PPP1R13B: variants seen among roughly 807,000 people sequenced by gnomAD.
PPP1R13B encodes the protein apoptosis-stimulating of p53 protein 1.
Under a neutral mutation model 119.8 loss-of-function variants are expected in PPP1R13B, and 44 were observed. The ratio of observed to expected loss-of-function variants is 0.37; its 90% confidence interval spans 0.29 to 0.47. PPP1R13B has a LOEUF of 0.47. Ranked by LOEUF, PPP1R13B falls within the 20% of genes least tolerant of loss-of-function variation. The pLI is 0.99. For synonymous variants in PPP1R13B, 542 were observed against 561.5 expected (o/e 0.97, Z 0.49); for missense variants, 1,227 against 1,413.5 (o/e 0.87, Z 2.12).
At chr14:103,815,423 T>C (rs1389234871) in intron 1 of PPP1R13B, among the ~76,000 whole-genome samples, 1 of 152,200 alleles carries the variant, frequency 6.6e-6, no homozygotes, top group Non-Finnish European at 1.5e-5. Flanking sequence ...ATGAATGTTA[T>C]TGTATGTGAA....
chr14:103,768,404 C>T (rs1454544973), intron 4 of PPP1R13B, among the ~76,000 whole-genome samples: 1 of 152,214 alleles, frequency 6.6e-6, no homozygotes, highest in Non-Finnish European at 1.5e-5. Context: ...TCAAGCAATT[C>T]CCCTGCCTCA....
intron 1 of PPP1R13B, chr14:103,839,955 C>T (rs540443107): frequency 3.3e-5 from 5 of 152,212 alleles, no homozygotes; most frequent in Non-Finnish European, 7.3e-5. Flanking sequence ...GAACTGTACA[C>T]TAATATTTCA....
chr14:103,796,656 C>CACAATGT (rs1351452856), intron 2 of PPP1R13B, among the ~76,000 whole-genome samples: 3 of 152,040 alleles, frequency 2.0e-5, no homozygotes, highest in Admixed American at 2.0e-4. Context: ...AATATATGTC[C>CACAATGT]ACACAAAAAC....
upstream of PPP1R13B, chr14:103,848,331 C>G: frequency 1.0e-6 from 1 of 985,476 alleles, no homozygotes; most frequent in Non-Finnish European, 1.2e-6. Context: ...CGGTCCTCGT[C>G]TCCAGGGCCT....
At chr14:103,796,062 C>T (rs182468661) in intron 2 of PPP1R13B, among the ~76,000 whole-genome samples, 23 of 152,110 alleles carry the variant, frequency 1.5e-4, no homozygotes, top group African/African-American at 5.3e-4. Context: ...GAGGCCCAGG[C>T]AGGTGGATCA....
chr14:103,801,726 C>T (rs533866993), intron 1 of PPP1R13B, among the ~76,000 whole-genome samples: 1 of 152,020 alleles, frequency 6.6e-6, no homozygotes, highest in Non-Finnish European at 1.5e-5. Context: ...CAGGACCTGA[C>T]GCATAGGAGG....
chr14:103,817,155 G>C (rs1184976658), intron 1 of PPP1R13B, among the ~76,000 whole-genome samples: 3 of 152,202 alleles, frequency 2.0e-5, no homozygotes, highest in Non-Finnish European at 2.9e-5. Flanking sequence ...AAAATACTTA[G>C]ATGTCCCTCA....
At chr14:103,825,115 G>A (rs532303793) in intron 1 of PPP1R13B, among the ~76,000 whole-genome samples, 11 of 151,968 alleles carry the variant, frequency 7.2e-5, no homozygotes, top group African/African-American at 2.7e-4. Flanking sequence ...GGTCTTTAAC[G>A]TTACTATTGT....
rs2084217643 is a variant in PPP1R13B, at chr14:103,740,172, G to A, written c.2244C>T (p.Ser748=). ...CGGCCAAGGTGCCCATGAAGTCCTG[G>A]GAGGGGCTGGGCTGGTAGAAAGGGG... The part of the protein sequence containing the change: ...EGTPFYQPSP[S]QDFMGTLADV... Residue 748 remains serine (S), a synonymous_variant, in exon 12 of 17, where the codon TCC becomes TCT. Coordinates refer to ENST00000202556, the MANE Select transcript of PPP1R13B (RefSeq NM_015316.3). This position sits in a 1 kb window ranked among gnomAD's most constrained non-coding sequence, Gnocchi z 4.6. 2 of 1,613,604 alleles carry A rather than the reference G, an allele frequency of 1.2e-6. No individual in the cohort carries two copies. The highest frequency in any genetic ancestry group is 2.7e-5 in the African/African-American group (2 of 74,936).
In PPP1R13B at chr14:103,754,116, T is replaced by C. The variant is rs767483211; in HGVS notation, c.585A>G (p.Ala195=). 6 of 1,613,978 alleles carry C rather than the reference T, an allele frequency of 3.7e-6. No homozygotes were observed. In the African/African-American group the frequency reaches 8.0e-5, roughly 22 times the overall value. Residue 195 remains alanine (A), a synonymous_variant, in exon 6 of 17, where the codon GCA becomes GCG. Coordinates refer to ENST00000202556, the MANE Select transcript of PPP1R13B (RefSeq NM_015316.3). Reference sequence around the variant, plus strand: ...TGCTGTAGTCGACTTGTCCTCTCATTGCACGAATTTTCTTCAGCTTGTTCT... The same window carrying C: ...TGCTGTAGTCGACTTGTCCTCTCATCGCACGAATTTTCTTCAGCTTGTTCT... ...AQENKLKKIR[A]MRGQVDYSKI...
chr14:103,824,108 C>T lies in PPP1R13B; in HGVS notation c.9+23191G>A, dbSNP rs566145244. ...GTCGCCAGACTGGAGTGCAGTGGCG[C>T]GATCTCGGCTCATTGCGACCTCCAC... On this transcript the variant is annotated intron_variant, in intron 1 of 16. Transcript: ENST00000202556. 4.4e-5 allele frequency among the ~76,000 whole-genome samples: 6 copies of T among 136,980 alleles called. No individual in the cohort carries two copies. The South Asian group carries it at 7.0e-4, about 16-fold the overall frequency. The allele number at this position is 136,980 out of a possible 152,430, so 89.9% of individuals were successfully genotyped here. A position where few individuals can be genotyped will look rare whatever the true frequency, so the allele number is the denominator to read the frequency against.
intron 1 of PPP1R13B, among the ~76,000 whole-genome samples, chr14:103,806,214 T>C (rs1359442226): frequency 2.0e-5 from 3 of 152,200 alleles, no homozygotes; most frequent in Non-Finnish European, 4.4e-5. Context: ...GGTCTTGGTT[T>C]CTTGGCAAGA....
intron 4 of PPP1R13B, among the ~76,000 whole-genome samples, chr14:103,760,827 AAT>A (rs2084786763): frequency 1.3e-5 from 2 of 152,170 alleles, no homozygotes; most frequent in South Asian, 4.1e-4. Flanking sequence ...AGCAGAGGGA[AAT>A]AGTTTTTATT....
rs10712106 is a variant in PPP1R13B, at chr14:103,758,958, C to CTT, written c.355-1209_355-1208dup. 1.2e-4 allele frequency among the ~76,000 whole-genome samples: 17 copies of CTT among 144,840 alleles called. No individual in the cohort carries two copies. In the South Asian group the frequency reaches 2.0e-3, roughly 17 times the overall value. On this transcript the variant is annotated intron_variant, in intron 4 of 16. Coordinates refer to ENST00000202556, the MANE Select transcript of PPP1R13B (RefSeq NM_015316.3). ...AAACATGGGATCAGGATTTAACAGT[C>CTT]TTTTTTTTTTTTTTTCTTGAGACGG...
intron 1 of PPP1R13B, among the ~76,000 whole-genome samples, chr14:103,800,789 A>C (rs2085882545): frequency 6.6e-6 from 1 of 152,116 alleles, no homozygotes; most frequent in South Asian, 2.1e-4. Context: ...ACAGCTTTGA[A>C]CTGGTTTCCT....
chr14:103,743,710 A>G (rs962855620), intron 9 of PPP1R13B, among the ~76,000 whole-genome samples: 28 of 152,364 alleles, frequency 1.8e-4, no homozygotes, highest in Admixed American at 9.8e-4. Flanking sequence ...CTGCCAGCAC[A>G]GGCAGGAGGG....
At chr14:103,749,976 A>G in intron 7 of PPP1R13B, 42 bp from the exon 8 acceptor site, 1 of 1,593,674 alleles carries the variant, frequency 6.3e-7, no homozygotes, top group Non-Finnish European at 8.5e-7. Flanking sequence ...TGTGTTAATT[A>G]AAAGTCAAAT....
At chr14:103,746,292 GCCCCACCCCCCGCCCCTCCACC>G in intron 9 of PPP1R13B, 59 bp downstream of exon 9, 9 of 242,442 alleles carry the variant, frequency 3.7e-5, no homozygotes, top group Non-Finnish European at 7.8e-5. Flanking sequence ...TCAGGAGCCT[GCCCCACCCCCCGCCCCTCCACC>G]GCAGGCCCCA....
intron 1 of PPP1R13B, among the ~76,000 whole-genome samples, chr14:103,814,974 A>G (rs1007653769): frequency 1.3e-5 from 2 of 152,190 alleles, no homozygotes; most frequent in African/African-American, 4.8e-5. Context: ...AAGAAAAAAA[A>G]TAGATGTTTA....
Sources: allele counts gnomAD v4.1 joint callset (sites outside exome capture counted in the v4.1 genomes callset), GRCh38; gene constraint gnomAD v4.1.1; non-coding constraint Gnocchi (gnomAD v3.1); transcripts MANE v1.5; gene names NCBI Gene and HGNC (gene_info 2026-07-23, HGNC 2026-07-21).